The following CD109 variants were observed in gnomAD, a reference collection of about 807,000 sequenced individuals.
CD109 encodes the protein CD109 molecule.
CD109 carries 149 observed loss-of-function variants against 165.8 expected under a neutral mutation model. That is an observed-to-expected ratio of 0.90 (90% CI 0.79 to 1.03). The LOEUF is 1.03. Ranked by LOEUF, CD109 falls within the 50% of genes least tolerant of loss-of-function variation. The pLI is 0.00. For missense variants in CD109, 1,712 were observed against 1,677.8 expected, an observed-to-expected ratio of 1.02 and a Z score of -0.36; for synonymous variants, 585 against 592.1, an observed-to-expected ratio of 0.99 and a Z score of 0.18.
At chr6:73,728,235 C>T (rs534948996) in intron 3 of CD109, among the ~76,000 whole-genome samples, 2 of 152,254 alleles carry the variant, frequency 1.3e-5, no homozygotes, top group East Asian at 1.9e-4. Flanking sequence ...GCAGGAGAAT[C>T]GCTTGAACCC....
chr6:73,806,490 A>G (rs909592605), intron 24 of CD109, among the ~76,000 whole-genome samples: 5 of 152,208 alleles, frequency 3.3e-5, no homozygotes, highest in African/African-American at 9.7e-5. Flanking sequence ...GTGCACATGT[A>G]CCCTAGAACT....
chr6:73,767,792 C>T (rs1203788243), intron 13 of CD109, among the ~76,000 whole-genome samples: 1 of 152,140 alleles, frequency 6.6e-6, no homozygotes, highest in South Asian at 2.1e-4. Flanking sequence ...CCCAATGGTG[C>T]CCTGTATTCC....
At chr6:73,736,977 G>A (rs1435336554) in intron 5 of CD109, among the ~76,000 whole-genome samples, 1 of 152,108 alleles carries the variant, frequency 6.6e-6, no homozygotes, top group Non-Finnish European at 1.5e-5. Flanking sequence ...TACACCTATT[G>A]CCTTTACTTG....
intron 15 of CD109, 51 bp downstream of exon 15, chr6:73,771,632 G>A: frequency 3.0e-6 from 4 of 1,326,232 alleles, no homozygotes; most frequent in Non-Finnish European, 3.1e-6. Context: ...AAGAGAAAGA[G>A]GAAACTTTAT....
chr6:73,753,596 A>G (rs955625747), intron 5 of CD109, among the ~76,000 whole-genome samples: 2 of 152,170 alleles, frequency 1.3e-5, no homozygotes, highest in African/African-American at 4.8e-5. Flanking sequence ...GTCAGCACCC[A>G]CTTCCAAAAT....
At position 73,824,776 on chromosome 6, in the gene CD109, A is replaced by T. The variant is rs1418383870; in HGVS notation, c.*1143A>T. 1 of 152,154 alleles carries T rather than the reference A, an allele frequency of 6.6e-6. No homozygotes were observed. Among genetic ancestry groups the T allele is most frequent in the Non-Finnish European group, 1.5e-5 (1 of 68,030 alleles). 9.4% of individuals were successfully genotyped at this position (152,154 alleles called of 1,614,324 possible). ...CCGAAGGGTAATATAATTTATCTGG[A>T]TGGAAATTTTAAAGATGAATCCCCC... On this transcript the variant is annotated 3_prime_UTR_variant, in exon 33 of 33. Transcript: ENST00000287097.
At chr6:73,816,498 C>A (rs188177477) in intron 30 of CD109, among the ~76,000 whole-genome samples, 1 of 152,302 alleles carries the variant, frequency 6.6e-6, no homozygotes, top group Non-Finnish European at 1.5e-5. Context: ...GATCCTCCTG[C>A]GTTGGCCTCC....
intron 5 of CD109, among the ~76,000 whole-genome samples, chr6:73,736,974 A>G (rs916748884): frequency 1.3e-5 from 2 of 152,184 alleles, no homozygotes; most frequent in African/African-American, 4.8e-5. Flanking sequence ...TTCTACACCT[A>G]TTGCCTTTAC....
intron 31 of CD109, among the ~76,000 whole-genome samples, chr6:73,820,011 C>T (rs1317103815): frequency 6.6e-6 from 1 of 152,144 alleles, no homozygotes; most frequent in African/African-American, 2.4e-5. Context: ...GATAGGCTGG[C>T]TTTGTGTACC....
At chr6:73,709,586 T>A (rs1301335303) in intron 2 of CD109, among the ~76,000 whole-genome samples, 2 of 152,204 alleles carry the variant, frequency 1.3e-5, no homozygotes, top group Admixed American at 1.3e-4. Context: ...ATAAATTACC[T>A]TGGGCAGTAT....
At chr6:73,686,309 C>T in the CD109 span, among the ~76,000 whole-genome samples, 1 of 152,126 alleles carries the variant, frequency 6.6e-6, no homozygotes, top group African/African-American at 2.4e-5. Context: ...TTGATGTCCT[C>T]TCTATTTTTC....
intron 27 of CD109, among the ~76,000 whole-genome samples, chr6:73,810,612 AGTG>A (rs1562084010): frequency 6.6e-6 from 1 of 152,096 alleles, no homozygotes; most frequent in Non-Finnish European, 1.5e-5. Context: ...AGCAAAATTC[AGTG>A]GGATCTACAG....
At chr6:73,817,848 T>G (rs1286676323) in intron 30 of CD109, among the ~76,000 whole-genome samples, 1 of 152,190 alleles carries the variant, frequency 6.6e-6, no homozygotes, top group East Asian at 1.9e-4. Context: ...CAGAAAATGT[T>G]CTTCAAGTAT....
Position 73,768,092 on chromosome 6 carries a change from A to G in CD109, c.1535A>G (p.Gln512Arg), listed in dbSNP as rs1380576222. 14 of 1,613,512 alleles carry G rather than the reference A, an allele frequency of 8.7e-6. No individual in the cohort carries two copies. The highest frequency in any genetic ancestry group is 5.0e-5 in the Admixed American group (3 of 59,984). The change falls in exon 14 of 33, where the codon CAA becomes CGA. Residue 512 changes from glutamine (Q) to arginine (R), a missense_variant. Transcript: ENST00000287097. Reference protein sequence around the residue: ...SRGQLVAVGKQNSTMFSLTPE... With the variant: ...SRGQLVAVGKRNSTMFSLTPE... ...GGACAGTTGGTGGCTGTAGGAAAAC[A>G]AAATTCAACAATGTTCTCTTTAACA...
At chr6:73,797,530 T>C (rs995730869) in intron 23 of CD109, among the ~76,000 whole-genome samples, 1 of 152,012 alleles carries the variant, frequency 6.6e-6, no homozygotes, top group South Asian at 2.1e-4. Flanking sequence ...TTTCATGTCA[T>C]AGAAAGTAAA....
In CD109 at chr6:73,713,403, CTTTGTAT is replaced by C. The variant is rs1447024432; in HGVS notation, c.248-9837_248-9831del. ...CTACACCATAGCGTTGGGGAAGAGTCTTTGTATTTTGTATTTTTATTTTTTTTTTAAT... is the reference window on the plus strand; with the variant it reads ...CTACACCATAGCGTTGGGGAAGAGTCTTTGTATTTTTATTTTTTTTTTAAT... On this transcript the variant is annotated intron_variant, in intron 2 of 32. Transcript: ENST00000287097. Among the ~76,000 whole-genome samples, 5 of 152,012 alleles carry C rather than the reference CTTTGTAT, an allele frequency of 3.3e-5. No individual in the cohort carries two copies. The East Asian group carries it at 9.7e-4, about 29-fold the overall frequency.
At chr6:73,783,628 A>T (rs952615973) in intron 18 of CD109, 79 bp from the exon 19 acceptor site, 15 of 820,380 alleles carry the variant, frequency 1.8e-5, no homozygotes, top group Admixed American at 8.7e-5. Flanking sequence ...TTCCAAAAAT[A>T]GTTTAGATTA....
chr6:73,787,739 G>A (rs914931200), intron 21 of CD109, among the ~76,000 whole-genome samples: 1 of 151,996 alleles, frequency 6.6e-6, no homozygotes, highest in Non-Finnish European at 1.5e-5. Flanking sequence ...ATTAAAACAC[G>A]GCCAAGTCGA....
chr6:73,787,593 T>C, intron 21 of CD109, 141 bp downstream of exon 21: 2 of 613,766 alleles, frequency 3.3e-6, no homozygotes, highest in South Asian at 4.2e-5. Flanking sequence ...AATCACTTTC[T>C]AATCTGTATG....
Sources: allele counts gnomAD v4.1 joint callset (sites outside exome capture counted in the v4.1 genomes callset), GRCh38; gene constraint gnomAD v4.1.1; transcripts MANE v1.5; gene names NCBI Gene and HGNC (gene_info 2026-07-23, HGNC 2026-07-21).